The following SLC19A1 variants were observed in gnomAD, a reference collection of about 807,000 sequenced individuals.
SLC19A1 encodes reduced folate transporter.
In SLC19A1, 37 loss-of-function variants were observed where a neutral mutation model predicts 35.3. That is an observed-to-expected ratio of 1.05 (90% confidence interval 0.81 to 1.38). SLC19A1 has a LOEUF of 1.38. SLC19A1 is among the 40% of genes most tolerant of loss of function. The pLI, the probability that SLC19A1 is intolerant of heterozygous loss-of-function variation, is 0.00. For synonymous variants in SLC19A1, 460 were observed against 398.5 expected (o/e 1.15, Z -1.84); for missense variants, 831 against 826.9 (o/e 1.00, Z -0.06).
chr21:45,532,164 C>T lies in SLC19A1; in HGVS notation c.190-16G>A. The T allele has an allele frequency of 6.4e-7, 1 of 1,570,952 alleles. No individual in the cohort carries two copies. The highest frequency in any genetic ancestry group is 8.7e-7 in the Non-Finnish European group (1 of 1,153,986). On this transcript the variant is annotated splice_polypyrimidine_tract_variant and intron_variant, in intron 2 of 5. Coordinates refer to ENST00000311124, the MANE Select transcript of SLC19A1 (RefSeq NM_194255.4). ...CGTTCGTGACCTGCGGACAGGCGGG[C>T]GTGCGCCCCACCAGGTGTTAGCAAT... is the stretch of plus-strand genomic sequence containing the variant.
chr21:45,512,440 G>T, downstream of SLC19A1: 2 of 1,584,580 alleles, frequency 1.3e-6, no homozygotes, highest in Non-Finnish European at 1.7e-6. Flanking sequence ...CCGGCGGCTC[G>T]GAGGAAGCCC....
chr21:45,519,463 G>A (rs909907903), intron 5 of SLC19A1, among the ~76,000 whole-genome samples: 2 of 147,818 alleles, frequency 1.4e-5, no homozygotes, highest in African/African-American at 2.5e-5. Flanking sequence ...AATATACCAA[G>A]ATAGGAAGGT....
chr21:45,528,966 C>A (rs535631380), intron 4 of SLC19A1, among the ~76,000 whole-genome samples: 1 of 152,364 alleles, frequency 6.6e-6, no homozygotes, highest in South Asian at 2.1e-4. Flanking sequence ...TAACTAAAAC[C>A]TTTCAGGCGT....
chr21:45,537,731 C>T (rs565597850), intron 2 of SLC19A1, 40 bp downstream of exon 2: 5 of 919,110 alleles, frequency 5.4e-6, no homozygotes, highest in East Asian at 3.4e-5. Context: ...CCCGCCCACC[C>T]ACCCACAGGC....
chr21:45,539,437 G>A (rs1354246255), intron 1 of SLC19A1, among the ~76,000 whole-genome samples: 1 of 152,252 alleles, frequency 6.6e-6, no homozygotes, highest in Non-Finnish European at 1.5e-5. Context: ...GGCTTGGGAG[G>A]GTGGCAGGGG....
intron 1 of SLC19A1, 31 bp from the exon 2 acceptor site, chr21:45,538,039 G>C: frequency 7.8e-7 from 1 of 1,281,266 alleles, no homozygotes; most frequent in Non-Finnish European, 1.0e-6. Context: ...AGGGCACCTT[G>C]GAAGATGGTC....
upstream of SLC19A1, among the ~76,000 whole-genome samples, chr21:45,548,825 A>G (rs779775083): frequency 1.3e-5 from 2 of 152,244 alleles, no homozygotes; most frequent in Non-Finnish European, 2.9e-5. Flanking sequence ...TATCATAAAT[A>G]TCATAATCCT....
At chr21:45,560,952 C>A (rs1216307641) in intron 1 of SLC19A1, among the ~76,000 whole-genome samples, 1 of 152,228 alleles carries the variant, frequency 6.6e-6, no homozygotes, top group Non-Finnish European at 1.5e-5. Flanking sequence ...TCAGCTGCTG[C>A]TCTTACAACT....
chr21:45,546,111 C>T (rs1823260582), upstream of SLC19A1, among the ~76,000 whole-genome samples: 1 of 152,246 alleles, frequency 6.6e-6, no homozygotes, highest in African/African-American at 2.4e-5. Context: ...GTCAGGCCTC[C>T]CAGCACTAGC....
chr21:45,509,417 C>T (rs187670025), downstream of SLC19A1: 64 of 1,539,194 alleles, frequency 4.2e-5, 2 homozygotes, highest in Middle Eastern at 1.2e-3. Flanking sequence ...AACCCCTACC[C>T]GCGGCGGGAG....
chr21:45,509,487 C>T (rs1349673890), downstream of SLC19A1: 1 of 1,526,584 alleles, frequency 6.6e-7, no homozygotes, highest in Non-Finnish European at 8.8e-7. Context: ...GCCCCCCTCG[C>T]CTGCCCGAGC....
intron 1 of SLC19A1, among the ~76,000 whole-genome samples, chr21:45,550,295 C>G (rs2078452686): frequency 6.6e-6 from 1 of 152,182 alleles, no homozygotes; most frequent in Non-Finnish European, 1.5e-5. Flanking sequence ...TCACATGAGA[C>G]TGTGTCCCCA....
rs1185926926 is a variant in SLC19A1, at chr21:45,531,748, A to G, written c.590T>C (p.Val197Ala). The stretch of plus-strand genomic sequence containing the variant: ...GCGCTTCAGGAAGAGGGCGAGGACC[A>G]CGCTGAAGGTGAGGAAGGCCAGCGA... The part of the protein sequence containing the change: ...YISLAFLTFS[V>A]VLALFLKRPK... Residue 197 changes from valine (V) to alanine (A), a missense_variant, in exon 3 of 6, where the codon GTG becomes GCG. Coordinates refer to ENST00000311124, the MANE Select transcript of SLC19A1 (RefSeq NM_194255.4). 3.1e-6 allele frequency: 5 copies of G among 1,612,236 alleles called. No homozygotes were observed. Among genetic ancestry groups the G allele is most frequent in the Non-Finnish European group, 1.7e-6 (2 of 1,179,380 alleles).
chr21:45,555,735 C>T (rs76635551), intron 1 of SLC19A1, among the ~76,000 whole-genome samples: 1 of 152,002 alleles, frequency 6.6e-6, no homozygotes, highest in Admixed American at 6.5e-5. Flanking sequence ...TCCACGCGAA[C>T]GGCGGGCGCT....
chr21:45,511,242 C>T (rs185563693), downstream of SLC19A1: 954 of 1,392,700 alleles, frequency 6.8e-4, no homozygotes, highest in Non-Finnish European at 8.5e-4. Context: ...TTCCCAGTGC[C>T]GTGTGAGCAG....
In SLC19A1 at chr21:45,536,656, C is replaced by T. The variant is rs549527789; in HGVS notation, c.189+1115G>A. 3.6e-5 allele frequency: 6 copies of T among 168,438 alleles called. No homozygotes were observed. In the East Asian group the frequency reaches 8.6e-4, roughly 24 times the overall value. 10.4% of individuals were successfully genotyped at this position (168,438 alleles called of 1,614,324 possible). A position where few individuals can be genotyped will look rare whatever the true frequency, so the allele number is the denominator to read the frequency against. ...TCCACTGTCCCAATAGCACACTCCT[C>T]AGCTGCACATCAGTTTCACAATTCT... On this transcript the variant is annotated intron_variant, in intron 2 of 5. Coordinates refer to ENST00000311124, the MANE Select transcript of SLC19A1 (RefSeq NM_194255.4).
At chr21:45,504,618 G>A in intron 3 of SLC19A1, 1 of 1,469,982 alleles carries the variant, frequency 6.8e-7, no homozygotes, top group Non-Finnish European at 9.3e-7. Flanking sequence ...GGAGCCGAGG[G>A]CAGGTCCAGC....
chr21:45,520,679 G>A (rs1292797274), intron 5 of SLC19A1, among the ~76,000 whole-genome samples: 1 of 152,166 alleles, frequency 6.6e-6, no homozygotes, highest in African/African-American at 2.4e-5. Context: ...GTTAAATGAG[G>A]TCACAAGGAT....
intron 1 of SLC19A1, among the ~76,000 whole-genome samples, chr21:45,554,647 C>T (rs555541955): frequency 2.0e-5 from 3 of 147,074 alleles, no homozygotes; most frequent in South Asian, 2.2e-4. Flanking sequence ...TGGAAACTTC[C>T]TTTCAGGCCG....
Sources: gnomAD v4.1 joint callset for allele counts (sites outside exome capture counted in the v4.1 genomes callset) on GRCh38, gnomAD v4.1.1 for gene constraint, MANE v1.5 for transcripts, NCBI Gene and HGNC (gene_info 2026-07-23, HGNC 2026-07-21) for gene names.